KCNH8: variants seen among roughly 807,000 people sequenced by gnomAD.
KCNH8 encodes voltage-gated delayed rectifier potassium channel KCNH8.
KCNH8 carries 70 observed loss-of-function variants against 103.6 expected under a neutral mutation model. That is an observed-to-expected ratio of 0.68 (90% CI 0.56 to 0.82). The LOEUF (loss-of-function observed/expected upper bound fraction) is 0.82, where lower values mean the gene tolerates loss of function less well. KCNH8 is among the 40% of genes least tolerant of loss of function. KCNH8 has a pLI of 0.00. For synonymous variants in KCNH8, 498 were observed against 489.4 expected (o/e 1.02, Z -0.23); for missense variants, 1,217 against 1,329.9 (o/e 0.92, Z 1.32).
intron 10 of KCNH8, among the ~76,000 whole-genome samples, chr3:19,454,606 A>G (rs764298887): frequency 2.0e-5 from 3 of 152,176 alleles, no homozygotes; most frequent in Non-Finnish European, 4.4e-5. Flanking sequence ...GAGCACAATA[A>G]GTACAGATTT....
Position 19,450,193 on chromosome 3 carries a change from A to T in KCNH8, c.1463A>T (p.Lys488Met). ...TGGTCCCTCTATCACACTAGAACTA[A>T]GGATCTGAAAGATTTCATCCGTGTC... ...SRWSLYHTRT[K>M]DLKDFIRVHH... The change falls in exon 9 of 16, where the codon AAG (lysine) becomes ATG (methionine). Residue 488 changes from lysine (K) to methionine (M), a missense_variant. By Grantham distance (95) the Lys-to-Met change is moderately conservative. Transcript: ENST00000328405. The T allele has an allele frequency of 6.2e-7, 1 of 1,613,678 alleles. No individual in the cohort carries two copies. The highest frequency in any genetic ancestry group is 8.5e-7 in the Non-Finnish European group (1 of 1,179,742).
At chr3:19,414,192 C>T (rs1377158959) in intron 7 of KCNH8, among the ~76,000 whole-genome samples, 9 of 151,756 alleles carry the variant, frequency 5.9e-5, no homozygotes, top group African/African-American at 1.5e-4. Flanking sequence ...CTTTGTTGTT[C>T]GATTCAAAAG....
At chr3:19,489,441 C>T (rs554101086) in intron 11 of KCNH8, among the ~76,000 whole-genome samples, 10 of 152,136 alleles carry the variant, frequency 6.6e-5, no homozygotes, top group South Asian at 4.2e-4. Flanking sequence ...TATGTATATA[C>T]GGGAATTGAT....
At chr3:19,328,568 T>C (rs1377309718) in intron 3 of KCNH8, among the ~76,000 whole-genome samples, 1 of 152,176 alleles carries the variant, frequency 6.6e-6, no homozygotes, top group Admixed American at 6.5e-5. Context: ...GGGCCATTTT[T>C]TCTATGAAAG....
At chr3:19,474,423 C>A (rs879037325) in intron 11 of KCNH8, among the ~76,000 whole-genome samples, 3 of 152,040 alleles carry the variant, frequency 2.0e-5, no homozygotes, top group Non-Finnish European at 2.9e-5. Context: ...TGCCAGGATG[C>A]CAAAAGAGCG....
intron 1 of KCNH8, among the ~76,000 whole-genome samples, chr3:19,191,991 G>A (rs2063557592): frequency 6.6e-6 from 1 of 151,092 alleles, no homozygotes; most frequent in African/African-American, 2.4e-5. Context: ...TTTCCTTGGG[G>A]TAGTAGATTG....
At chr3:19,489,382 C>T (rs1195342385) in intron 11 of KCNH8, among the ~76,000 whole-genome samples, 1 of 152,076 alleles carries the variant, frequency 6.6e-6, no homozygotes, top group Non-Finnish European at 1.5e-5. Context: ...TGCTGCCTGT[C>T]CTCTTAACCA....
rs35643989 is a variant in KCNH8, at chr3:19,329,830, T to C, written c.443-12757T>C. Among the ~76,000 whole-genome samples, 971 of 152,146 alleles carry C rather than the reference T, an allele frequency of 6.4e-3. 6 individuals are homozygous for C. Among genetic ancestry groups the C allele is most frequent in the African/African-American group, 0.022 (903 of 41,512 alleles). The stretch of plus-strand genomic sequence containing the variant: ...ATTCTGGCACAACAAGATCAAATTA[T>C]GGAATACACAAGTGGCTCCTTCCCA... On this transcript the variant is annotated intron_variant, in intron 3 of 15. Transcript: ENST00000328405.
At chr3:19,249,228 A>G (rs2064245615) in intron 1 of KCNH8, among the ~76,000 whole-genome samples, 1 of 152,222 alleles carries the variant, frequency 6.6e-6, no homozygotes, top group Admixed American at 6.6e-5. Flanking sequence ...AGTAAATGTC[A>G]TGTTTCTTCT....
chr3:19,501,438 C>T (rs951462788), intron 11 of KCNH8, among the ~76,000 whole-genome samples: 12 of 152,190 alleles, frequency 7.9e-5, no homozygotes, highest in Non-Finnish European at 1.2e-4. Flanking sequence ...AGGCCAGCAT[C>T]ATCCTGATAC....
At chr3:19,276,658 A>C (rs1383776043) in intron 2 of KCNH8, among the ~76,000 whole-genome samples, 1 of 152,146 alleles carries the variant, frequency 6.6e-6, no homozygotes, top group Non-Finnish European at 1.5e-5. Context: ...CCCATACTAG[A>C]AACATTATTA....
intron 11 of KCNH8, among the ~76,000 whole-genome samples, chr3:19,484,140 T>A (rs932187476): frequency 6.6e-6 from 1 of 152,176 alleles, no homozygotes; most frequent in Non-Finnish European, 1.5e-5. Context: ...CTTGTATTAT[T>A]TATGAGTCCT....
At chr3:19,262,591 C>T (rs552721918) in intron 2 of KCNH8, among the ~76,000 whole-genome samples, 1 of 151,934 alleles carries the variant, frequency 6.6e-6, no homozygotes, top group Non-Finnish European at 1.5e-5. Flanking sequence ...GAATGTTCTT[C>T]ACTTAACATA....
At chr3:19,254,977 A>G (rs1473350454) in intron 2 of KCNH8, among the ~76,000 whole-genome samples, 5 of 152,114 alleles carry the variant, frequency 3.3e-5, no homozygotes, top group African/African-American at 9.7e-5. Context: ...AAGTAGGTAT[A>G]TTGACGTCAT....
At chr3:19,491,413 A>G (rs1311773604) in intron 11 of KCNH8, among the ~76,000 whole-genome samples, 2 of 152,188 alleles carry the variant, frequency 1.3e-5, no homozygotes, top group African/African-American at 4.8e-5. Flanking sequence ...CCATTTGTAA[A>G]TGAGAACATG....
intron 1 of KCNH8, among the ~76,000 whole-genome samples, chr3:19,187,319 T>C (rs2063511854): frequency 6.6e-6 from 1 of 151,974 alleles, no homozygotes; most frequent in Non-Finnish European, 1.5e-5. Context: ...TAGATATGCA[T>C]AGATATATAT....
chr3:19,455,467 C>T (rs1237310565), intron 10 of KCNH8, among the ~76,000 whole-genome samples: 1 of 151,920 alleles, frequency 6.6e-6, no homozygotes, highest in Non-Finnish European at 1.5e-5. Flanking sequence ...AAATGGAGCC[C>T]ACAAGGAAAT....
chr3:19,385,243 C>G (rs887099220), intron 5 of KCNH8, among the ~76,000 whole-genome samples: 2 of 152,070 alleles, frequency 1.3e-5, no homozygotes, highest in Non-Finnish European at 2.9e-5. Flanking sequence ...ATGATGAACA[C>G]TCCACTTACA....
chr3:19,525,768 G>C (rs1373013131), intron 15 of KCNH8, among the ~76,000 whole-genome samples: 1 of 151,948 alleles, frequency 6.6e-6, no homozygotes, highest in Non-Finnish European at 1.5e-5. Context: ...TAGTAGTCCT[G>C]TGTGACCTAG....
Sources: gnomAD v4.1 joint callset for allele counts (sites outside exome capture counted in the v4.1 genomes callset) on GRCh38, gnomAD v4.1.1 for gene constraint, MANE v1.5 for transcripts, NCBI Gene and HGNC (gene_info 2026-07-23, HGNC 2026-07-21) for gene names.